CADM2: variants seen among roughly 807,000 people sequenced by gnomAD.
CADM2 encodes cell adhesion molecule 2.
A neutral mutation model predicts 49.8 loss-of-function variants in CADM2; 12 were observed. That is an observed-to-expected ratio of 0.24 (90% CI 0.15 to 0.39). The LOEUF is 0.39. Among genes scored for constraint, CADM2 ranks in the 10% least tolerant of loss-of-function variants. The pLI, the probability that CADM2 is intolerant of heterozygous loss-of-function variation, is 1.00. For synonymous variants in CADM2, 214 were observed against 175.4 expected, an observed-to-expected ratio of 1.22 and a Z score of -1.74; for missense variants, 378 against 492.3, an observed-to-expected ratio of 0.77 and a Z score of 2.20.
At chr3:85,179,535 CA>C (rs2040872331) in intron 1 of CADM2, among the ~76,000 whole-genome samples, 1 of 151,758 alleles carries the variant, frequency 6.6e-6, no homozygotes, top group African/African-American at 2.4e-5. Flanking sequence ...ACAAAAATTA[CA>C]ATTTTCTACA....
intron 3 of CADM2, among the ~76,000 whole-genome samples, chr3:85,869,030 TTC>T (rs144975694): frequency 0.019 from 2,959 of 152,282 alleles, 61 homozygotes; most frequent in East Asian, 0.047. Context: ...TATTATATTT[TTC>T]TGTTTTTTTG....
intron 1 of CADM2, among the ~76,000 whole-genome samples, chr3:85,230,555 G>T (rs530913787): frequency 2.0e-5 from 3 of 152,144 alleles, no homozygotes; most frequent in Non-Finnish European, 4.4e-5. Context: ...ATCCAGTTGT[G>T]TAACAAATAG....
At chr3:86,010,226 A>G (rs1731331411) in intron 8 of CADM2, among the ~76,000 whole-genome samples, 1 of 152,010 alleles carries the variant, frequency 6.6e-6, no homozygotes, top group Admixed American at 6.6e-5. Context: ...TCATCTGAGT[A>G]AACTGAAGAA....
intron 1 of CADM2, among the ~76,000 whole-genome samples, chr3:85,452,791 A>G (rs1041495094): frequency 1.3e-5 from 2 of 152,192 alleles, no homozygotes; most frequent in Non-Finnish European, 2.9e-5. Flanking sequence ...TTCTTTAAAC[A>G]ATGACCATTT....
At chr3:85,536,016 C>T (rs2061415359) in intron 1 of CADM2, among the ~76,000 whole-genome samples, 1 of 151,920 alleles carries the variant, frequency 6.6e-6, no homozygotes, top group Non-Finnish European at 1.5e-5. Flanking sequence ...CCAGCAATGC[C>T]ATAGGAAATT....
chr3:85,300,251 AG>A (rs1280827231), intron 1 of CADM2, among the ~76,000 whole-genome samples: 6 of 152,104 alleles, frequency 3.9e-5, no homozygotes, highest in African/African-American at 1.2e-4. Context: ...TCTGGGAAGA[AG>A]GTTTCACAGA....
chr3:85,715,799 T>C (rs2067270068), intron 1 of CADM2, among the ~76,000 whole-genome samples: 1 of 152,202 alleles, frequency 6.6e-6, no homozygotes, highest in Non-Finnish European at 1.5e-5. Flanking sequence ...AATGATGGTT[T>C]CCAGCTTCAT....
intron 1 of CADM2, among the ~76,000 whole-genome samples, chr3:85,230,798 T>C (rs1000232913): frequency 6.6e-6 from 1 of 152,196 alleles, no homozygotes; most frequent in African/African-American, 2.4e-5. Context: ...TGTTTTCTTT[T>C]TAATAAGCAA....
intron 1 of CADM2, among the ~76,000 whole-genome samples, chr3:85,157,800 A>C (rs915052040): frequency 5.9e-5 from 9 of 152,186 alleles, no homozygotes; most frequent in Non-Finnish European, 1.2e-4. Flanking sequence ...CATGTCTAAA[A>C]CACCAAAAGC....
At chr3:85,248,109 C>A (rs2042690474) in intron 1 of CADM2, among the ~76,000 whole-genome samples, 1 of 151,888 alleles carries the variant, frequency 6.6e-6, no homozygotes, top group South Asian at 2.1e-4. Context: ...AGCAAAAAAA[C>A]CTGAAGTATC....
At chr3:86,049,309 C>T (rs556375522) in intron 8 of CADM2, among the ~76,000 whole-genome samples, 22 of 149,830 alleles carry the variant, frequency 1.5e-4, no homozygotes, top group Non-Finnish European at 3.0e-4. Context: ...GAGTCTCACT[C>T]TGTCTCCCAG....
intron 1 of CADM2, among the ~76,000 whole-genome samples, chr3:85,371,868 G>A (rs1391282072): frequency 6.6e-6 from 1 of 151,118 alleles, no homozygotes; most frequent in Non-Finnish European, 1.5e-5. Context: ...ATGAGTTATG[G>A]AGTCCTGGAA....
At chr3:85,078,464 T>C (rs980913272) in intron 1 of CADM2, among the ~76,000 whole-genome samples, 2 of 151,926 alleles carry the variant, frequency 1.3e-5, no homozygotes, top group Admixed American at 1.3e-4. Context: ...TTGTGGAATA[T>C]ATTTGTATAT....
chr3:85,682,722 T>G (rs1268266838), intron 1 of CADM2, among the ~76,000 whole-genome samples: 2 of 152,142 alleles, frequency 1.3e-5, no homozygotes, highest in African/African-American at 4.8e-5. Context: ...TCCAAAGCTT[T>G]CTTTTCAAGA....
intron 2 of CADM2, among the ~76,000 whole-genome samples, chr3:85,734,679 A>G (rs2107805368): frequency 6.8e-6 from 1 of 147,532 alleles, no homozygotes; most frequent in African/African-American, 2.5e-5. Flanking sequence ...TAATATGTAT[A>G]TTTTAAATAT....
At chr3:85,996,533 T>C (rs1729443235) in intron 8 of CADM2, among the ~76,000 whole-genome samples, 1 of 152,120 alleles carries the variant, frequency 6.6e-6, no homozygotes, top group Non-Finnish European at 1.5e-5. Flanking sequence ...AGTACAACAG[T>C]TAATTTAGAA....
At chr3:85,846,513 C>T (rs1250834916) in intron 3 of CADM2, among the ~76,000 whole-genome samples, 1 of 151,994 alleles carries the variant, frequency 6.6e-6, no homozygotes, top group Non-Finnish European at 1.5e-5. Flanking sequence ...AAGACATTGC[C>T]AAAAATGCTG....
In CADM2 at chr3:85,817,663, G is replaced by A. The variant is rs556300491; in HGVS notation, c.238+15467G>A. On this transcript the variant is annotated intron_variant, in intron 3 of 9. Coordinates refer to ENST00000383699, the MANE Select transcript of CADM2 (RefSeq NM_001167675.2). Reference sequence around the variant, plus strand: ...GCTGCACTTGAATCACAGTTCCATCGTGGATTTGTGTGTGATCTTGAACCG... The same window carrying A: ...GCTGCACTTGAATCACAGTTCCATCATGGATTTGTGTGTGATCTTGAACCG... Among the ~76,000 whole-genome samples, 47 of 152,200 alleles carry A rather than the reference G, an allele frequency of 3.1e-4. 1 individual carries two copies. The highest frequency in any genetic ancestry group is 1.7e-3 in the South Asian group (8 of 4,818).
At chr3:85,370,660 A>G (rs1004516738) in intron 1 of CADM2, among the ~76,000 whole-genome samples, 2 of 152,212 alleles carry the variant, frequency 1.3e-5, no homozygotes, top group African/African-American at 4.8e-5. Context: ...TTATGTATTT[A>G]CTATACTATG....
Sources: gnomAD v4.1 joint callset for allele counts (sites outside exome capture counted in the v4.1 genomes callset) on GRCh38, gnomAD v4.1.1 for gene constraint, MANE v1.5 for transcripts, NCBI Gene and HGNC (gene_info 2026-07-23, HGNC 2026-07-21) for gene names.